The following EEPD1 variants were observed in gnomAD, a reference collection of about 807,000 sequenced individuals.
EEPD1 encodes endonuclease/exonuclease/phosphatase family domain containing 1, also known as endonuclease/exonuclease/phosphatase family domain-containing protein 1.
EEPD1 carries 17 observed loss-of-function variants against 46.3 expected under a neutral mutation model. The ratio of observed to expected loss-of-function variants is 0.37; its 90% CI spans 0.25 to 0.55. EEPD1 has a LOEUF of 0.55. EEPD1 is among the 20% of genes least tolerant of loss of function. The pLI, the probability that EEPD1 is intolerant of heterozygous loss-of-function variation, is 0.83. For missense variants in EEPD1, 673 were observed against 745.6 expected (o/e 0.90, Z 1.13); for synonymous variants, 313 against 315.6 (o/e 0.99, Z 0.09).
At chr7:36,167,267 A>G (rs1461360138) in intron 2 of EEPD1, among the ~76,000 whole-genome samples, 1 of 152,202 alleles carries the variant, frequency 6.6e-6, no homozygotes, top group Non-Finnish European at 1.5e-5. Context: ...TGACAAGATC[A>G]TTTAAGAAAA....
chr7:36,219,250 T>C (rs549378308), intron 2 of EEPD1, among the ~76,000 whole-genome samples: 1 of 152,022 alleles, frequency 6.6e-6, no homozygotes, highest in South Asian at 2.1e-4. Flanking sequence ...TTCTTGTAGA[T>C]TTAAAAAATT....
At chr7:36,295,127 G>A (rs1418265593) in intron 6 of EEPD1, among the ~76,000 whole-genome samples, 2 of 150,364 alleles carry the variant, frequency 1.3e-5, no homozygotes, top group African/African-American at 2.4e-5. Flanking sequence ...GCAGTGAGCC[G>A]AGATCCACCA....
chr7:36,287,543 A>G lies in EEPD1; in HGVS notation c.1177-96A>G, dbSNP rs908844671. ...GCCTTGTTCTTGTTTACCATTGTCA[A>G]CTCTGTGCACAAAGCTATTTATGAG... On this transcript the variant is annotated intron_variant, in intron 5 of 7. Transcript: ENST00000242108. The G allele has an allele frequency of 4.8e-5, 72 of 1,508,546 alleles. 1 individual carries two copies. The Middle Eastern group carries it at 1.1e-3, about 22-fold the overall frequency. The allele number at this position is 1,508,546 out of a possible 1,614,324, so 93.4% of individuals were successfully genotyped here. A position where few individuals can be genotyped will look rare whatever the true frequency, so the allele number is the denominator to read the frequency against.
intron 6 of EEPD1, among the ~76,000 whole-genome samples, chr7:36,291,154 C>G (rs191542925): frequency 6.6e-6 from 1 of 152,212 alleles, no homozygotes; most frequent in East Asian, 1.9e-4. Flanking sequence ...CGAAAACCTC[C>G]CTCATTATAT....
At chr7:36,238,917 T>C in intron 2 of EEPD1, 68 bp from the exon 3 acceptor site, 1 of 1,502,098 alleles carries the variant, frequency 6.7e-7, no homozygotes, top group Non-Finnish European at 9.0e-7. Flanking sequence ...TCTTGCGACT[T>C]GTTAGATGAT....
At chr7:36,199,567 C>T (rs1166488119) in intron 2 of EEPD1, among the ~76,000 whole-genome samples, 2 of 152,170 alleles carry the variant, frequency 1.3e-5, no homozygotes, top group East Asian at 1.9e-4. Context: ...TGGGCCAGCT[C>T]TGCAGAGCCT....
At chr7:36,208,379 A>C (rs1785862613) in intron 2 of EEPD1, among the ~76,000 whole-genome samples, 2 of 152,318 alleles carry the variant, frequency 1.3e-5, no homozygotes, top group South Asian at 4.1e-4. Context: ...CACAGTTTAG[A>C]TGTTAACATT....
intron 3 of EEPD1, among the ~76,000 whole-genome samples, chr7:36,273,165 C>T (rs887283895): frequency 4.6e-5 from 7 of 151,688 alleles, no homozygotes; most frequent in African/African-American, 9.7e-5. Flanking sequence ...CACACACTCA[C>T]GGGTCGATTG....
chr7:36,231,279 G>A (rs1041769770), intron 2 of EEPD1, among the ~76,000 whole-genome samples: 3 of 152,060 alleles, frequency 2.0e-5, no homozygotes, highest in East Asian at 3.9e-4. Flanking sequence ...TTAACTGCAC[G>A]CATTCTAGGT....
At chr7:36,181,918 A>G (rs938681568) in intron 2 of EEPD1, among the ~76,000 whole-genome samples, 1 of 152,222 alleles carries the variant, frequency 6.6e-6, no homozygotes, top group Non-Finnish European at 1.5e-5. Flanking sequence ...TCCTTCTCCA[A>G]TATCACCAGT....
At chr7:36,195,072 TG>T (rs1417183785) in intron 2 of EEPD1, among the ~76,000 whole-genome samples, 1 of 152,180 alleles carries the variant, frequency 6.6e-6, no homozygotes, top group African/African-American at 2.4e-5. Context: ...TCAGGTGTCA[TG>T]GGTGCTCACT....
At chr7:36,273,721 T>TC (rs1346025580) in intron 3 of EEPD1, among the ~76,000 whole-genome samples, 4 of 152,030 alleles carry the variant, frequency 2.6e-5, no homozygotes, top group East Asian at 1.9e-4. Flanking sequence ...TGGAGTCATT[T>TC]CCCCCCATCC....
chr7:36,290,914 C>T (rs142987900), intron 6 of EEPD1, among the ~76,000 whole-genome samples: 172 of 152,314 alleles, frequency 1.1e-3, no homozygotes, highest in African/African-American at 3.7e-3. Flanking sequence ...CAGGCTCCTG[C>T]GCATCTACCT....
Position 36,154,945 on chromosome 7 carries a change from G to A in EEPD1, c.621G>A (p.Thr207=). Reference sequence around the variant, plus strand: ...GGTCCAGGCCCCCATCCACCCACACGAACGGGGGACTGACCTTCACCGCCA... The same window carrying A: ...GGTCCAGGCCCCCATCCACCCACACAAACGGGGGACTGACCTTCACCGCCA... ...AERSRPPSTH[T]NGGLTFTAKP... is the part of the protein sequence containing the mutation. The change falls in exon 2 of 8, where the codon ACG becomes ACA. Residue 207 remains threonine (T), a synonymous_variant. Coordinates refer to ENST00000242108, the MANE Select transcript of EEPD1 (RefSeq NM_030636.3). The surrounding 1 kb of genome is among the most constrained non-coding windows in gnomAD (Gnocchi z 4.2). 6.2e-7 allele frequency: 1 copy of A among 1,613,992 alleles called. No homozygotes were observed. Among genetic ancestry groups the A allele is most frequent in the Non-Finnish European group, 8.5e-7 (1 of 1,180,004 alleles).
intron 2 of EEPD1, among the ~76,000 whole-genome samples, chr7:36,224,996 C>T (rs148763058): frequency 3.3e-5 from 5 of 151,880 alleles, no homozygotes; most frequent in East Asian, 1.9e-4. Flanking sequence ...ATGACCATGG[C>T]GACAGACTGG....
intron 2 of EEPD1, among the ~76,000 whole-genome samples, chr7:36,157,511 C>T (rs73337035): frequency 0.018 from 2,667 of 152,270 alleles, 74 homozygotes; most frequent in African/African-American, 0.061. Flanking sequence ...TGATGATTTG[C>T]TGAAGACATT....
intron 2 of EEPD1, among the ~76,000 whole-genome samples, chr7:36,164,089 C>T (rs893948857): frequency 1.1e-4 from 17 of 152,124 alleles, no homozygotes; most frequent in Non-Finnish European, 2.4e-4. Context: ...TAGTGTTTGT[C>T]TTTTCAAAGT....
intron 6 of EEPD1, 39 bp downstream of exon 6, chr7:36,287,816 T>C (rs745550281): frequency 6.2e-7 from 1 of 1,606,802 alleles, no homozygotes; most frequent in South Asian, 1.1e-5. Flanking sequence ...GCCACTGTTT[T>C]GCAGAGCAGC....
chr7:36,208,232 G>A (rs1785857055), intron 2 of EEPD1, among the ~76,000 whole-genome samples: 2 of 152,144 alleles, frequency 1.3e-5, no homozygotes, highest in Non-Finnish European at 2.9e-5. Flanking sequence ...GCTTACTGGG[G>A]CCAGAGGCAC....
Sources: gnomAD v4.1 joint callset for allele counts (sites outside exome capture counted in the v4.1 genomes callset) on GRCh38, gnomAD v4.1.1 for gene constraint, Gnocchi (gnomAD v3.1) non-coding constraint, MANE v1.5 for transcripts, NCBI Gene and HGNC (gene_info 2026-07-23, HGNC 2026-07-21) for gene names.